The following EPHA10 variants were observed in gnomAD, a reference collection of about 807,000 sequenced individuals.
The protein encoded by EPHA10 is EPH receptor A10, also known as ephrin type-A receptor 10.
In EPHA10, 120 loss-of-function variants were observed where a neutral mutation model predicts 109.7. That is an observed-to-expected ratio of 1.09 (90% CI 0.94 to 1.27). The LOEUF (loss-of-function observed/expected upper bound fraction) is 1.27. Ranked by LOEUF, EPHA10 falls within the 50% of genes most tolerant of loss-of-function variation. EPHA10 has a pLI of 0.00. For synonymous variants in EPHA10, 640 were observed against 618.9 expected (o/e 1.03, Z -0.51); for missense variants, 1,396 against 1,411.1 (o/e 0.99, Z 0.17).
chr1:37,719,701 C>A, intron 14 of EPHA10, 94 bp from the exon 15 acceptor site: 2 of 1,455,344 alleles, frequency 1.4e-6, no homozygotes. Context: ...GACACAGACA[C>A]ACACACACAC....
chr1:37,758,542 C>G (rs972206114), intron 3 of EPHA10, among the ~76,000 whole-genome samples: 5 of 152,220 alleles, frequency 3.3e-5, no homozygotes, highest in Admixed American at 6.5e-5. Context: ...TGCTTCCCAA[C>G]TCTGTAGGGC....
intron 5 of EPHA10, among the ~76,000 whole-genome samples, chr1:37,751,344 AG>A (rs1306757564): frequency 6.6e-6 from 1 of 151,846 alleles, no homozygotes; most frequent in East Asian, 1.9e-4. Context: ...CAAGGCGGGT[AG>A]ATGACTTGAG....
chr1:37,733,311 T>C (rs1646019759), intron 6 of EPHA10, among the ~76,000 whole-genome samples: 1 of 151,932 alleles, frequency 6.6e-6, no homozygotes. Flanking sequence ...AGCCTCGACT[T>C]CCCGGGCTCA....
chr1:37,729,872 CAAAAAA>C (rs112155506), intron 7 of EPHA10, among the ~76,000 whole-genome samples: 1 of 135,968 alleles, frequency 7.4e-6, no homozygotes, highest in East Asian at 2.1e-4. Context: ...GACCCTACCT[CAAAAAA>C]AAAAAAAAAT....
rs186562037 is a variant in EPHA10 at position 37,728,358 on chromosome 1, A to C, written c.1664-1148T>G. Among the ~76,000 whole-genome samples the C allele has an allele frequency of 1.4e-4, 22 of 152,242 alleles. No individual in the cohort carries two copies. The South Asian group carries it at 1.7e-3, about 11-fold the overall frequency. On this transcript the variant is annotated intron_variant, in intron 7 of 16. Coordinates refer to ENST00000373048, the MANE Select transcript of EPHA10 (RefSeq NM_001099439.2). ...GCAGTGGAGAGAGTTCCTGCCTAAGAAGAAAAGGAATGAGGGTGTCTGCTG... is the reference window on the plus strand; with the variant it reads ...GCAGTGGAGAGAGTTCCTGCCTAAGCAGAAAAGGAATGAGGGTGTCTGCTG...
Position 37,763,657 on chromosome 1 carries a change from T to A in EPHA10, c.107-808A>T, listed in dbSNP as rs1444895161. Among the ~76,000 whole-genome samples the A allele has an allele frequency of 2.6e-5, 3 of 113,560 alleles. No individual in the cohort carries two copies. In the South Asian group the frequency reaches 1.0e-3, roughly 40 times the overall value. The allele number at this position is 113,560 out of a possible 152,430, so 74.5% of individuals were successfully genotyped here. A position where few individuals can be genotyped will look rare whatever the true frequency, so the allele number is the denominator to read the frequency against. On this transcript the variant is annotated intron_variant, in intron 1 of 16. Transcript: ENST00000373048. The stretch of plus-strand genomic sequence containing the variant: ...AGGTTCCCAAAATTATAGCTAAGAG[T>A]CAATTAGAGAGAGAGAGAGAGAGAA...
intron 5 of EPHA10, among the ~76,000 whole-genome samples, chr1:37,738,697 G>C (rs1211246643): frequency 1.3e-5 from 2 of 152,194 alleles, no homozygotes; most frequent in Non-Finnish European, 1.5e-5. Context: ...AAGAGATACT[G>C]CTCACCCATG....
At chr1:37,722,327 C>T (rs769731992) in intron 10 of EPHA10, 9 of 227,300 alleles carry the variant, frequency 4.0e-5, no homozygotes, top group Non-Finnish European at 7.2e-5. Flanking sequence ...TATGCCAGCA[C>T]GCCGACTGCC....
chr1:37,738,071 C>CA (rs1646097661), intron 5 of EPHA10: 1 of 147,952 alleles, frequency 6.8e-6, no homozygotes, highest in Non-Finnish European at 1.5e-5. Flanking sequence ...GACATTTCTT[C>CA]AAAAAAGATA....
chr1:37,734,397 AGTT>A (rs1464770539), intron 6 of EPHA10, among the ~76,000 whole-genome samples: 8 of 152,034 alleles, frequency 5.3e-5, no homozygotes, highest in African/African-American at 9.7e-5. Context: ...AGCTGTGTGT[AGTT>A]GTGCATGCCT....
At chr1:37,737,517 T>A (rs569656431) in intron 5 of EPHA10, among the ~76,000 whole-genome samples, 1 of 152,298 alleles carries the variant, frequency 6.6e-6, no homozygotes, top group Middle Eastern at 3.4e-3. Context: ...GAAAGGATAG[T>A]CTCTTCACCA....
At chr1:37,720,908 T>TC (rs898548037) in intron 11 of EPHA10, 64 bp from the exon 12 acceptor site, 83 of 1,555,114 alleles carry the variant, frequency 5.3e-5, no homozygotes, top group African/African-American at 4.5e-4. Flanking sequence ...CACACAAGTT[T>TC]CCCCCCCAGG....
chr1:37,734,630 G>A (rs1305313958), intron 6 of EPHA10: 1 of 456,134 alleles, frequency 2.2e-6, no homozygotes, highest in African/African-American at 2.0e-5. Flanking sequence ...TCACAGCTAA[G>A]CTGCAACCAC....
intron 3 of EPHA10, among the ~76,000 whole-genome samples, chr1:37,759,285 A>G (rs1646413318): frequency 6.6e-6 from 1 of 151,760 alleles, no homozygotes; most frequent in African/African-American, 2.4e-5. Flanking sequence ...CAACCCCATC[A>G]CTTCACTCCC....
chr1:37,726,059 T>C (rs753411045), intron 8 of EPHA10, among the ~76,000 whole-genome samples: 8 of 152,222 alleles, frequency 5.3e-5, no homozygotes, highest in Admixed American at 3.3e-4. Flanking sequence ...CACCTGTCCC[T>C]GGGGCGCTCC....
At chr1:37,761,062 C>T in intron 3 of EPHA10, 1 of 888,842 alleles carries the variant, frequency 1.1e-6, no homozygotes, top group Non-Finnish European at 1.4e-6. Flanking sequence ...CCAGCCTGGG[C>T]AACAGAGCAA....
At chr1:37,748,002 C>G (rs1437939617) in intron 5 of EPHA10, among the ~76,000 whole-genome samples, 1 of 152,028 alleles carries the variant, frequency 6.6e-6, no homozygotes, top group South Asian at 2.1e-4. Flanking sequence ...AAAAAGAACA[C>G]CAAAATATTT....
chr1:37,731,409 A>G lies in EPHA10; in HGVS notation c.1663+2T>C. 6.3e-7 allele frequency: 1 copy of G among 1,598,034 alleles called. No homozygotes were observed. Among genetic ancestry groups the G allele is most frequent in the Non-Finnish European group, 8.5e-7 (1 of 1,171,242 alleles). On this transcript the variant is annotated splice_donor_variant, in intron 7 of 16. Transcript: ENST00000373048. LOFTEE classifies it high-confidence loss of function. ...CCCTGTCCACTCACACACACTACTT[A>G]CCCTCCCCCAGGGTCTGTACTTCAA...
chr1:37,731,266 G>A, intron 7 of EPHA10, 145 bp downstream of exon 7: 1 of 788,790 alleles, frequency 1.3e-6, no homozygotes, highest in Non-Finnish European at 1.8e-6. Context: ...AATTAATTAG[G>A]CTGTAATTAA....
Sources: allele counts gnomAD v4.1 joint callset (sites outside exome capture counted in the v4.1 genomes callset), GRCh38; gene constraint gnomAD v4.1.1; transcripts MANE v1.5; gene names NCBI Gene and HGNC (gene_info 2026-07-23, HGNC 2026-07-21).